The following GOLGB1 variants were observed in gnomAD, a reference collection of about 807,000 sequenced individuals.
GOLGB1 encodes golgin B1, also known as golgin subfamily B member 1.
A neutral mutation model predicts 336.9 loss-of-function variants in GOLGB1; 174 were observed. That is an observed-to-expected ratio of 0.52 (90% CI 0.46 to 0.59). GOLGB1 has a LOEUF of 0.59. Ranked by LOEUF, GOLGB1 falls within the 20% of genes least tolerant of loss-of-function variation. The probability of loss-of-function intolerance (pLI) is 0.00; values close to 1 mark genes in which losing one functional copy is unlikely to be tolerated. For synonymous variants in GOLGB1, 1,208 were observed against 1,289.2 expected (o/e 0.94, Z 1.35); for missense variants, 3,331 against 3,645.3 (o/e 0.91, Z 2.22).
Position 121,697,147 on chromosome 3 carries a change from T to C in GOLGB1, c.3376A>G (p.Ile1126Val). 6.2e-7 allele frequency: 1 copy of C among 1,614,132 alleles called. No individual in the cohort carries two copies. The highest frequency in any genetic ancestry group is 1.1e-5 in the South Asian group (1 of 91,088). ...LQAEISENQA[I>V]IQKLITSNTD... ...TTACTTGTGATTAACTTCTGGATAATTGCTTGGTTTTCACTGATTTCTGCT... is the reference window on the plus strand; with the variant it reads ...TTACTTGTGATTAACTTCTGGATAACTGCTTGGTTTTCACTGATTTCTGCT... The change falls in exon 13 of 22, where the codon ATT becomes GTT. Residue 1126 changes from isoleucine to valine, a missense_variant. Physicochemically the swap from Ile to Val is conservative, Grantham distance 29. Coordinates refer to ENST00000614479, the MANE Select transcript of GOLGB1 (RefSeq NM_001366282.2).
chr3:121,698,112 T>C lies in GOLGB1; in HGVS notation c.2411A>G (p.His804Arg), dbSNP rs899239045. ...AHDNLLTEQI[H>R]SLSIEAKSKD... Reference sequence around the variant, plus strand: ...AGATTTGGCTTCTATGCTGAGACTATGGATCTGTTCAGTGAGCAGGTTGTC... The same window carrying C: ...AGATTTGGCTTCTATGCTGAGACTACGGATCTGTTCAGTGAGCAGGTTGTC... The change falls in exon 13 of 22, where the codon CAT becomes CGT. Residue 804 changes from histidine to arginine, a missense_variant. Transcript: ENST00000614479. 6.2e-6 allele frequency: 10 copies of C among 1,613,876 alleles called. No homozygotes were observed. The African/African-American group carries it at 1.2e-4, about 19-fold the overall frequency.
intron 1 of GOLGB1, chr3:121,749,293 G>C (rs1429104361): frequency 6.6e-6 from 1 of 152,372 alleles, no homozygotes; most frequent in African/African-American, 2.4e-5. Flanking sequence ...GGCCGCTCCA[G>C]GAACAAGGCC....
intron 10 of GOLGB1, among the ~76,000 whole-genome samples, chr3:121,702,934 T>C (rs1296845229): frequency 2.0e-5 from 3 of 152,164 alleles, no homozygotes; most frequent in Non-Finnish European, 4.4e-5. Flanking sequence ...TAGATTAATG[T>C]CACCAAGTAA....
chr3:121,710,717 C>G (rs1010094069), intron 10 of GOLGB1, among the ~76,000 whole-genome samples: 11 of 151,938 alleles, frequency 7.2e-5, no homozygotes, highest in Non-Finnish European at 1.5e-4. Flanking sequence ...AATAGCCGGG[C>G]ATGGTGGCAT....
intron 17 of GOLGB1, among the ~76,000 whole-genome samples, chr3:121,673,575 T>G (rs1939879196): frequency 6.6e-6 from 1 of 152,236 alleles, no homozygotes; most frequent in African/African-American, 2.4e-5. Context: ...ATCTTTCCTT[T>G]TTTTAGTGTC....
In GOLGB1 at chr3:121,715,014, CAA is replaced by C. The variant is rs761255874; in HGVS notation, c.1289-40_1289-39del. ...AAAAAAATAAATGTAATATTTGCTTCAAGTCTGAAATGTAGTTATTATTATCT... is the reference window on the plus strand; with the variant it reads ...AAAAAAATAAATGTAATATTTGCTTCGTCTGAAATGTAGTTATTATTATCT... On this transcript the variant is annotated intron_variant, in intron 9 of 21. Transcript: ENST00000614479. The C allele has an allele frequency of 1.7e-5, 19 of 1,119,880 alleles. No homozygotes were observed. In the South Asian group the frequency reaches 2.4e-4, roughly 14 times the overall value. The allele number at this position is 1,119,880 out of a possible 1,614,324, so 69.4% of individuals were successfully genotyped here.
In GOLGB1 at chr3:121,667,963, A is replaced by G; in HGVS notation, c.9419+98T>C. The G allele has an allele frequency of 6.3e-6, 4 of 631,028 alleles. 1 individual carries two copies. In the South Asian group the frequency reaches 8.6e-5, roughly 14 times the overall value. The allele number at this position is 631,028 out of a possible 1,614,324, so 39.1% of individuals were successfully genotyped here. A position where few individuals can be genotyped will look rare whatever the true frequency, so the allele number is the denominator to read the frequency against. On this transcript the variant is annotated intron_variant, in intron 19 of 21. Coordinates refer to ENST00000614479, the MANE Select transcript of GOLGB1 (RefSeq NM_001366282.2). ...TGTGAGGCTAATAAGATAACAAGAC[A>G]TATTAAATCCATATAAAGGACTCCA...
At position 121,664,246 on chromosome 3, in the gene GOLGB1, C is replaced by T; in HGVS notation, c.*234G>A. The stretch of plus-strand genomic sequence containing the variant: ...TAGGCTCAACAAACCAAATGTGATT[C>T]TCAGATTAAGCAGAAGCGTTCAGGC... On this transcript the variant is annotated 3_prime_UTR_variant, in exon 22 of 22. Transcript: ENST00000614479. 1.9e-6 allele frequency: 1 copy of T among 520,512 alleles called. No homozygotes were observed. Among genetic ancestry groups the T allele is most frequent in the Non-Finnish European group, 3.5e-6 (1 of 289,268 alleles). 32.2% of individuals were successfully genotyped at this position (520,512 alleles called of 1,614,324 possible). A position where few individuals can be genotyped will look rare whatever the true frequency, so the allele number is the denominator to read the frequency against.
At chr3:121,718,157 A>G (rs1944916511) in intron 8 of GOLGB1, among the ~76,000 whole-genome samples, 4 of 152,224 alleles carry the variant, frequency 2.6e-5, no homozygotes, top group African/African-American at 9.6e-5. Context: ...AAAGGGAAAG[A>G]GCAACAATAA....
intron 4 of GOLGB1, among the ~76,000 whole-genome samples, chr3:121,727,978 G>GCCTTA (rs1945802597): frequency 1.3e-5 from 2 of 152,078 alleles, no homozygotes; most frequent in South Asian, 4.2e-4. Context: ...ACTGCTTTAA[G>GCCTTA]GTCTCAGAGC....
At chr3:121,668,670 C>A (rs10934556) in intron 18 of GOLGB1, among the ~76,000 whole-genome samples, 17,319 of 124,276 alleles carry the variant, frequency 0.14, 1,273 homozygotes, top group African/African-American at 0.22. Flanking sequence ...GAGACTCCGT[C>A]TCAAAAAAAA....
chr3:121,699,089 G>T (rs1169731808), intron 12 of GOLGB1, among the ~76,000 whole-genome samples, 160 bp from the exon 13 acceptor site: 3 of 152,058 alleles, frequency 2.0e-5, no homozygotes, highest in Non-Finnish European at 4.4e-5. Flanking sequence ...AAATCAGTTT[G>T]TATCTCCCAG....
At chr3:121,727,304 AT>A (rs1560307479) in intron 4 of GOLGB1, among the ~76,000 whole-genome samples, 3 of 26,754 alleles carry the variant, frequency 1.1e-4, no homozygotes, top group Non-Finnish European at 3.2e-4. Flanking sequence ...ATATATATAT[AT>A]ATATATATAT....
intron 1 of GOLGB1, among the ~76,000 whole-genome samples, chr3:121,731,322 T>C (rs1946097382): frequency 6.6e-6 from 1 of 152,202 alleles, no homozygotes; most frequent in African/African-American, 2.4e-5. Context: ...AATGCCCTTC[T>C]TTCATAGTAG....
At chr3:121,674,866 T>C (rs1281471856) in intron 17 of GOLGB1, among the ~76,000 whole-genome samples, 1 of 144,518 alleles carries the variant, frequency 6.9e-6, no homozygotes, top group Admixed American at 7.0e-5. Context: ...TCTCGCTCTG[T>C]CGCCCAGGCC....
At chr3:121,718,656 T>A (rs1045931966) in intron 7 of GOLGB1, among the ~76,000 whole-genome samples, 155 bp from the exon 8 acceptor site, 2 of 152,036 alleles carry the variant, frequency 1.3e-5, no homozygotes, top group African/African-American at 4.8e-5. Flanking sequence ...GCTCCCCCCA[T>A]CCAGCAGCAA....
At chr3:121,704,716 C>T (rs574815359) in intron 10 of GOLGB1, among the ~76,000 whole-genome samples, 6 of 133,808 alleles carry the variant, frequency 4.5e-5, no homozygotes, top group African/African-American at 1.4e-4. Flanking sequence ...GCACAGGTTG[C>T]GGTGAGCCAA....
chr3:121,704,757 CA>C (rs1943673263), intron 10 of GOLGB1, among the ~76,000 whole-genome samples: 1 of 87,354 alleles, frequency 1.1e-5, no homozygotes. Flanking sequence ...GCCTGGGTGA[CA>C]AGAGTGAAAC....
chr3:121,692,230 C>A lies in GOLGB1; in HGVS notation c.7134G>T (p.Leu2378=), dbSNP rs1385929892. 6.3e-7 allele frequency: 1 copy of A among 1,597,718 alleles called. No individual in the cohort carries two copies. The highest frequency in any genetic ancestry group is 1.8e-5 in the Admixed American group (1 of 55,846). ...GCTCTTTCATATTTATTTCTTCATG[C>A]AGCCTACTGGTCAGTTCTCTGGAGG... ...LQASRELTSR[L]HEEINMKEQK... is the part of the protein sequence containing the mutation. Residue 2378 remains leucine (L), a synonymous_variant, in exon 14 of 22, where the codon CTG becomes CTT. Coordinates refer to ENST00000614479, the MANE Select transcript of GOLGB1 (RefSeq NM_001366282.2).
Sources: gnomAD v4.1 joint callset for allele counts (sites outside exome capture counted in the v4.1 genomes callset) on GRCh38, gnomAD v4.1.1 for gene constraint, MANE v1.5 for transcripts, NCBI Gene and HGNC (gene_info 2026-07-23, HGNC 2026-07-21) for gene names.